Variants in FANCC observed in about 807,000 individuals in gnomAD.
FANCC encodes the protein Fanconi anemia group C protein.
Under a neutral mutation model 71.3 loss-of-function variants are expected in FANCC, and 55 were observed. The ratio of observed to expected loss-of-function variants is 0.77; its 90% confidence interval spans 0.62 to 0.97. The LOEUF (loss-of-function observed/expected upper bound fraction) is 0.97, where lower values mean the gene tolerates loss of function less well. Ranked by LOEUF, FANCC falls within the 50% of genes least tolerant of loss-of-function variation. FANCC has a pLI of 0.00. For synonymous variants in FANCC, 275 were observed against 244.9 expected, an observed-to-expected ratio of 1.12 and a Z score of -1.15; for missense variants, 678 against 670.9, an observed-to-expected ratio of 1.01 and a Z score of -0.12.
At chr9:95,148,846 A>AT (rs1829914776) in intron 7 of FANCC, among the ~76,000 whole-genome samples, 1 of 152,192 alleles carries the variant, frequency 6.6e-6, no homozygotes, top group Non-Finnish European at 1.5e-5. Context: ...AAAAATGACC[A>AT]TTTTCAAATT....
At chr9:95,301,280 T>C (rs1834717626) in intron 1 of FANCC, among the ~76,000 whole-genome samples, 1 of 152,106 alleles carries the variant, frequency 6.6e-6, no homozygotes, top group Non-Finnish European at 1.5e-5. Context: ...ATGTTCATCA[T>C]AAATTCTTAA....
At chr9:95,271,323 GT>G (rs1832701152) in intron 1 of FANCC, among the ~76,000 whole-genome samples, 1 of 152,190 alleles carries the variant, frequency 6.6e-6, no homozygotes, top group African/African-American at 2.4e-5. Context: ...CTACTACAAA[GT>G]GGTAACATTC....
At chr9:95,235,337 G>A (rs896104656) in intron 4 of FANCC, among the ~76,000 whole-genome samples, 1 of 151,910 alleles carries the variant, frequency 6.6e-6, no homozygotes, top group Non-Finnish European at 1.5e-5. Flanking sequence ...GATGCATGAC[G>A]AAGGTAGCAC....
chr9:95,191,149 G>A (rs1827073270), intron 4 of FANCC, among the ~76,000 whole-genome samples: 1 of 151,996 alleles, frequency 6.6e-6, no homozygotes, highest in Admixed American at 6.6e-5. Context: ...CTATGCTGGG[G>A]TCTTCTGTCA....
chr9:95,173,990 G>A (rs182881993), intron 4 of FANCC, among the ~76,000 whole-genome samples: 12 of 152,288 alleles, frequency 7.9e-5, no homozygotes, highest in African/African-American at 2.9e-4. Flanking sequence ...GTTATACTCA[G>A]AAATGATCTC....
chr9:95,126,385 C>G, intron 9 of FANCC, 144 bp downstream of exon 9: 1 of 802,966 alleles, frequency 1.2e-6, no homozygotes, highest in East Asian at 2.8e-5. Context: ...CTCTAATTAC[C>G]AAAAAGCTCA....
At chr9:95,225,115 G>A (rs1829531715) in intron 4 of FANCC, among the ~76,000 whole-genome samples, 1 of 152,182 alleles carries the variant, frequency 6.6e-6, no homozygotes, top group Non-Finnish European at 1.5e-5. Flanking sequence ...CACAATGACT[G>A]GATCCTGGGA....
chr9:95,195,191 C>T (rs1386349981), intron 4 of FANCC, among the ~76,000 whole-genome samples: 5 of 107,838 alleles, frequency 4.6e-5, no homozygotes, highest in African/African-American at 1.2e-4. Context: ...AGTGAGACTC[C>T]GTCTCAAAAA....
intron 4 of FANCC, among the ~76,000 whole-genome samples, chr9:95,186,790 A>ATT (rs10671582): frequency 0.021 from 2,849 of 134,958 alleles, 87 homozygotes; most frequent in African/African-American, 0.058. Context: ...GGACTGTTGG[A>ATT]TTTTTTTTTT....
At chr9:95,115,930 A>G (rs548566373) in intron 11 of FANCC, among the ~76,000 whole-genome samples, 177 of 152,338 alleles carry the variant, frequency 1.2e-3, no homozygotes, top group South Asian at 1.9e-3. Flanking sequence ...AATTTCTGAT[A>G]AACAGAAGAT....
intron 1 of FANCC, among the ~76,000 whole-genome samples, chr9:95,282,500 C>T (rs1391737362): frequency 6.6e-6 from 1 of 152,014 alleles, no homozygotes; most frequent in African/African-American, 2.4e-5. Flanking sequence ...GAGTTTAACA[C>T]CCTATTTTCA....
chr9:95,214,160 G>A (rs1828699539), intron 4 of FANCC, among the ~76,000 whole-genome samples: 1 of 152,208 alleles, frequency 6.6e-6, no homozygotes, highest in South Asian at 2.1e-4. Context: ...AGGTGTGGTG[G>A]CTCACACTGG....
chr9:95,262,623 A>G (rs1832121552), intron 1 of FANCC, among the ~76,000 whole-genome samples: 1 of 152,232 alleles, frequency 6.6e-6, no homozygotes. Context: ...ACTTCTAGGT[A>G]TATACCCAAA....
At chr9:95,295,659 T>G (rs1042229566) in intron 1 of FANCC, among the ~76,000 whole-genome samples, 1 of 151,984 alleles carries the variant, frequency 6.6e-6, no homozygotes, top group Non-Finnish European at 1.5e-5. Flanking sequence ...TCCTGGCTAC[T>G]TAGGAGGCTA....
chr9:95,159,536 G>A (rs1311206830), intron 6 of FANCC, among the ~76,000 whole-genome samples: 1 of 152,142 alleles, frequency 6.6e-6, no homozygotes, highest in Non-Finnish European at 1.5e-5. Context: ...ATAATCCTTT[G>A]GGTATATACC....
At chr9:95,202,851 G>C (rs1438899398) in intron 4 of FANCC, among the ~76,000 whole-genome samples, 1 of 152,102 alleles carries the variant, frequency 6.6e-6, no homozygotes, top group East Asian at 1.9e-4. Context: ...GTATACACAA[G>C]AATGATGAGT....
At chr9:95,104,399 C>T (rs2071283616) in intron 14 of FANCC, among the ~76,000 whole-genome samples, 1 of 152,184 alleles carries the variant, frequency 6.6e-6, no homozygotes, top group African/African-American at 2.4e-5. Context: ...TGTGTGTCTT[C>T]TCTGTGGCGG....
chr9:95,238,144 C>T (rs1315142745), intron 4 of FANCC, among the ~76,000 whole-genome samples: 1 of 152,164 alleles, frequency 6.6e-6, no homozygotes, highest in African/African-American at 2.4e-5. Context: ...CCCTTAAGGT[C>T]AGTGTCTCCC....
At chr9:95,273,985 T>A (rs971079564) in intron 1 of FANCC, among the ~76,000 whole-genome samples, 9 of 152,354 alleles carry the variant, frequency 5.9e-5, no homozygotes, top group African/African-American at 1.7e-4. Flanking sequence ...GATCTTTGGA[T>A]GAAGTGGTCA....
Sources: gnomAD v4.1 joint callset for allele counts (sites outside exome capture counted in the v4.1 genomes callset) on GRCh38, gnomAD v4.1.1 for gene constraint, MANE v1.5 for transcripts, NCBI Gene and HGNC (gene_info 2026-07-23, HGNC 2026-07-21) for gene names.